PITPNM2: variants seen among roughly 807,000 people sequenced by gnomAD.
The protein encoded by PITPNM2 is phosphatidylinositol transfer protein membrane associated 2.
Under a neutral mutation model 132.2 loss-of-function variants are expected in PITPNM2, and 35 were observed. The ratio of observed to expected loss-of-function variants is 0.26; its 90% CI spans 0.20 to 0.35. PITPNM2 has a LOEUF of 0.35. Ranked by LOEUF, PITPNM2 falls within the 10% of genes least tolerant of loss-of-function variation. PITPNM2 has a pLI of 1.00. For missense variants in PITPNM2, 1,332 were observed against 1,912.0 expected (o/e 0.70, Z 5.66); for synonymous variants, 738 against 799.2 (o/e 0.92, Z 1.29).
chr12:123,074,427 C>G (rs2041712425), intron 2 of PITPNM2, among the ~76,000 whole-genome samples: 1 of 152,092 alleles, frequency 6.6e-6, no homozygotes, highest in Admixed American at 6.5e-5. Flanking sequence ...TAGGCACACA[C>G]AGGCACATAT....
At chr12:123,135,723 C>T (rs1790115) in intron 1 of PITPNM2, among the ~76,000 whole-genome samples, 4 of 151,836 alleles carry the variant, frequency 2.6e-5, no homozygotes, top group African/African-American at 9.7e-5. Context: ...TTAGAGACGG[C>T]GTCTCGCTAC....
chr12:123,015,753 T>C (rs2039401738), intron 3 of PITPNM2, among the ~76,000 whole-genome samples: 1 of 152,136 alleles, frequency 6.6e-6, no homozygotes, highest in Non-Finnish European at 1.5e-5. Context: ...ATAGATGAAC[T>C]GGACTTAACT....
chr12:123,099,970 G>A lies in PITPNM2; in HGVS notation c.-96+10415C>T, dbSNP rs574294116. Among the ~76,000 whole-genome samples, 26 of 152,306 alleles carry A rather than the reference G, an allele frequency of 1.7e-4. No individual in the cohort carries two copies. Among genetic ancestry groups the A allele is most frequent in the East Asian group, 7.7e-4 (4 of 5,180 alleles). On this transcript the variant is annotated intron_variant, in intron 2 of 25. Coordinates refer to ENST00000320201, the MANE Select transcript of PITPNM2 (RefSeq NM_020845.3). The surrounding 1 kb of genome is among the most constrained non-coding windows in gnomAD (Gnocchi z 4.2). ...CCCAGGTGTGCAGGCATCCATGCCC[G>A]GGGGAAGTAAGAATTGCAGGTGACA... is the stretch of plus-strand genomic sequence containing the variant.
At chr12:123,128,559 T>C (rs559239721) in intron 1 of PITPNM2, among the ~76,000 whole-genome samples, 10 of 151,134 alleles carry the variant, frequency 6.6e-5, no homozygotes, top group East Asian at 3.9e-4. Context: ...CGAGACCATC[T>C]TGGCTAACAT....
chr12:122,995,083 G>GCCATCATCTGCCACGACACT, intron 14 of PITPNM2, 104 bp from the exon 15 acceptor site: 2 of 1,299,860 alleles, frequency 1.5e-6, no homozygotes, highest in Non-Finnish European at 2.1e-6. Context: ...GGGGCCCACT[G>GCCATCATCTGCCACGACACT]GCTTCAGGAC....
At chr12:123,151,550 C>T (rs2043754800), upstream of PITPNM2, among the ~76,000 whole-genome samples, 1 of 152,150 alleles carries the variant, frequency 6.6e-6, no homozygotes, top group Admixed American at 6.5e-5. Flanking sequence ...GTGCTCGCCA[C>T]ACGGTGGGTC....
rs768410005 is a variant in PITPNM2, at chr12:122,986,523, G to A, written c.3639C>T (p.Asp1213=). 13 of 1,598,262 alleles carry A rather than the reference G, an allele frequency of 8.1e-6. No homozygotes were observed. The highest frequency in any genetic ancestry group is 4.0e-5 in the African/African-American group (3 of 74,822). ...GGCTAATGGCGCTGTACACCGCCAC[G>A]TCCTTGGTGGAGCCATAGGCCGCGT... ...RVHAAYGSTK[D]VAVYSAISLS... is the part of the protein sequence containing the mutation. Residue 1213 remains aspartate, a synonymous_variant, in exon 25 of 26, where the codon GAC becomes GAT. Transcript: ENST00000320201.
chr12:123,062,644 ACT>A (rs2041280384), intron 2 of PITPNM2, among the ~76,000 whole-genome samples: 1 of 152,182 alleles, frequency 6.6e-6, no homozygotes, highest in Non-Finnish European at 1.5e-5. Flanking sequence ...AATACATTGA[ACT>A]CTCTGCAGTG....
In PITPNM2 at chr12:123,031,602, T is replaced by C. The variant is rs551184869; in HGVS notation, c.78+2911A>G. Reference sequence around the variant, plus strand: ...GTGCAGGGCACTAGCACCTGTGATGTGCAGCAGACCCCCTGCCCATCACCA... The same window carrying C: ...GTGCAGGGCACTAGCACCTGTGATGCGCAGCAGACCCCCTGCCCATCACCA... On this transcript the variant is annotated intron_variant, in intron 3 of 25. Coordinates refer to ENST00000320201, the MANE Select transcript of PITPNM2 (RefSeq NM_020845.3). This position sits in a 1 kb window ranked among gnomAD's most constrained non-coding sequence, Gnocchi z 4.5. Among the ~76,000 whole-genome samples the C allele has an allele frequency of 4.6e-5, 7 of 151,924 alleles. No individual in the cohort carries two copies. Among genetic ancestry groups the C allele is most frequent in the Non-Finnish European group, 1.0e-4 (7 of 67,984 alleles).
chr12:123,129,742 G>T (rs1417359004), intron 1 of PITPNM2, among the ~76,000 whole-genome samples: 1 of 151,942 alleles, frequency 6.6e-6, no homozygotes, highest in African/African-American at 2.4e-5. Flanking sequence ...TCCTGTGCTG[G>T]GTACTTGTAC....
At chr12:123,086,077 T>A (rs2042104437) in intron 2 of PITPNM2, among the ~76,000 whole-genome samples, 1 of 152,214 alleles carries the variant, frequency 6.6e-6, no homozygotes, top group Non-Finnish European at 1.5e-5. Flanking sequence ...TTCCTACGTT[T>A]ATTTAGGTTT....
At chr12:123,147,618 T>C (rs935390351) in intron 1 of PITPNM2, among the ~76,000 whole-genome samples, 2 of 152,084 alleles carry the variant, frequency 1.3e-5, no homozygotes, top group Non-Finnish European at 2.9e-5. Flanking sequence ...TATGCTGATG[T>C]TGAGGGTAAT....
chr12:123,127,748 T>G (rs1411625973), intron 1 of PITPNM2, among the ~76,000 whole-genome samples: 2 of 152,002 alleles, frequency 1.3e-5, no homozygotes, highest in African/African-American at 4.8e-5. Context: ...TAGCTGGGAC[T>G]ACAGGCGCCC....
chr12:123,134,591 G>A lies in PITPNM2; in HGVS notation c.-200+16162C>T, dbSNP rs150579167. Among the ~76,000 whole-genome samples the A allele has an allele frequency of 1.2e-3, 178 of 151,980 alleles. 3 individuals are homozygous for A. Among genetic ancestry groups the A allele is most frequent in the African/African-American group, 4.0e-3 (165 of 41,418 alleles). ...TCCTCTCAAGCCTTGAAAACATGAA[G>A]TGTTCCTTCTTGGGTGCGCCCAGGA... is the stretch of plus-strand genomic sequence containing the variant. On this transcript the variant is annotated intron_variant, in intron 1 of 25. Coordinates refer to ENST00000320201, the MANE Select transcript of PITPNM2 (RefSeq NM_020845.3).
rs2039099871 is a variant in PITPNM2, at chr12:123,009,721, C to T, written c.643+129G>A. On this transcript the variant is annotated intron_variant, in intron 6 of 25. Transcript: ENST00000320201. The surrounding 1 kb of genome is among the most constrained non-coding windows in gnomAD (Gnocchi z 4.8). The stretch of plus-strand genomic sequence containing the variant: ...AGCTGGACATGGGCTTTGGTGTCAC[C>T]TTCCCAGAACAAAACAGAAACGCAG... 1.1e-6 allele frequency: 1 copy of T among 898,906 alleles called. No individual in the cohort carries two copies. The highest frequency in any genetic ancestry group is 2.5e-5 in the East Asian group (1 of 40,692). The allele number at this position is 898,906 out of a possible 1,614,324, so 55.7% of individuals were successfully genotyped here.
chr12:123,005,648 T>C lies in PITPNM2; in HGVS notation c.644-100A>G. On this transcript the variant is annotated intron_variant, in intron 6 of 25. Transcript: ENST00000320201. This position sits in a 1 kb window ranked among gnomAD's most constrained non-coding sequence, Gnocchi z 6.2. ...GGCCCAGGCAGGGGCTTTGGGAGGC[T>C]GTACCCATGTTGCAGGTCAAACTAA... 6 of 1,218,322 alleles carry C rather than the reference T, an allele frequency of 4.9e-6. No homozygotes were observed. The highest frequency in any genetic ancestry group is 6.9e-6 in the Non-Finnish European group (6 of 871,378). The allele number at this position is 1,218,322 out of a possible 1,614,324, so 75.5% of individuals were successfully genotyped here.
At position 123,035,598 on chromosome 12, in the gene PITPNM2, G is replaced by A. The variant is rs571457532; in HGVS notation, c.-95-913C>T. Among the ~76,000 whole-genome samples, 17 of 152,032 alleles carry A rather than the reference G, an allele frequency of 1.1e-4. No individual in the cohort carries two copies. The South Asian group carries it at 1.7e-3, about 15-fold the overall frequency. On this transcript the variant is annotated intron_variant, in intron 2 of 25. Coordinates refer to ENST00000320201, the MANE Select transcript of PITPNM2 (RefSeq NM_020845.3). ...GGAGAATCGCTTGAACCCAGGAGGC[G>A]GAGGTTGCAGTGAGCTGAGATCGCG...
intron 1 of PITPNM2, among the ~76,000 whole-genome samples, chr12:123,142,705 C>T (rs560040912): frequency 1.3e-5 from 2 of 152,204 alleles, no homozygotes. Context: ...TTTCCTTACA[C>T]GATAACCCGC....
chr12:123,089,142 T>G (rs1333833298), intron 2 of PITPNM2: 1 of 152,078 alleles, frequency 6.6e-6, no homozygotes, highest in African/African-American at 2.4e-5. Context: ...AAGCTACATA[T>G]TTACTCTAAA....
Sources: allele counts gnomAD v4.1 joint callset (sites outside exome capture counted in the v4.1 genomes callset), GRCh38; gene constraint gnomAD v4.1.1; non-coding constraint Gnocchi (gnomAD v3.1); transcripts MANE v1.5; gene names NCBI Gene and HGNC (gene_info 2026-07-23, HGNC 2026-07-21).